The following ZFHX3 variants were observed in gnomAD, a reference collection of about 807,000 sequenced individuals.
The protein encoded by ZFHX3 is zinc finger homeobox protein 3.
ZFHX3 carries 42 observed loss-of-function variants against 279.1 expected under a neutral mutation model. The observed-to-expected ratio is 0.15, with a 90% CI of 0.12 to 0.19. The LOEUF (loss-of-function observed/expected upper bound fraction) is 0.19, where lower values mean the gene tolerates loss of function less well. ZFHX3 is among the 10% of genes least tolerant of loss of function. The probability of loss-of-function intolerance (pLI) is 1.00; values close to 1 mark genes in which losing one functional copy is unlikely to be tolerated. For synonymous variants in ZFHX3, 2,293 were observed against 1,957.8 expected, an observed-to-expected ratio of 1.17 and a Z score of -4.52; for missense variants, 4,981 against 4,754.0, an observed-to-expected ratio of 1.05 and a Z score of -1.40.
chr16:73,105,396 T>A (rs59394026), intron 7 of ZFHX3, among the ~76,000 whole-genome samples: 1 of 33,082 alleles, frequency 3.0e-5, no homozygotes, highest in East Asian at 8.3e-4. Context: ...CACACACACA[T>A]ATATATATAT....
At chr16:73,072,745 T>A (rs1205656043) in intron 8 of ZFHX3, among the ~76,000 whole-genome samples, 1 of 152,176 alleles carries the variant, frequency 6.6e-6, no homozygotes, top group Non-Finnish European at 1.5e-5. Flanking sequence ...GTTTTACAAA[T>A]TTTTTGTAGA....
Position 72,950,760 on chromosome 16 carries a change from C to T in ZFHX3, c.2925G>A (p.Glu975=), listed in dbSNP as rs756239997. The T allele has an allele frequency of 6.2e-7, 1 of 1,614,238 alleles. No homozygotes were observed. Among genetic ancestry groups the T allele is most frequent in the Non-Finnish European group, 8.5e-7 (1 of 1,180,050 alleles). The part of the protein sequence containing the change: ...MNVERSLSED[E]WKAVMGDSYQ... Reference sequence around the variant, plus strand: ...ATGAGTCCCCCATCACCGCCTTCCACTCGTCCTCCGACAGGCTGCGCTCCA... The same window carrying T: ...ATGAGTCCCCCATCACCGCCTTCCATTCGTCCTCCGACAGGCTGCGCTCCA... Residue 975 remains glutamate (E), a synonymous_variant, in exon 3 of 10, where the codon GAG becomes GAA. Coordinates refer to ENST00000268489, the MANE Select transcript of ZFHX3 (RefSeq NM_006885.4).
intron 2 of ZFHX3, among the ~76,000 whole-genome samples, chr16:73,492,371 G>A (rs1232641128): frequency 6.6e-6 from 1 of 152,094 alleles, no homozygotes; most frequent in Non-Finnish European, 1.5e-5. Flanking sequence ...CTCTTGTATG[G>A]CTGTGTTGAC....
Position 72,794,691 on chromosome 16 carries a change from G to C in ZFHX3, c.7991C>G (p.Ser2664Cys). ...EILYQKYLLDSNPTRKMLDHI... is the reference protein window; with the variant it reads ...EILYQKYLLDCNPTRKMLDHI... Reference sequence around the variant, plus strand: ...ATCCAACATCTTTCGAGTCGGATTGGAATCCAGTAGATACTTCTGGTAGAG... The same window carrying C: ...ATCCAACATCTTTCGAGTCGGATTGCAATCCAGTAGATACTTCTGGTAGAG... Residue 2664 changes from serine (S) to cysteine (C), a missense_variant, in exon 9 of 10, where the codon TCC (serine) becomes TGC (cysteine). Coordinates refer to ENST00000268489, the MANE Select transcript of ZFHX3 (RefSeq NM_006885.4). This position sits in a 1 kb window ranked among gnomAD's most constrained non-coding sequence, Gnocchi z 4.2. 6.2e-7 allele frequency: 1 copy of C among 1,614,250 alleles called. No homozygotes were observed. The highest frequency in any genetic ancestry group is 8.5e-7 in the Non-Finnish European group (1 of 1,180,046).
At chr16:72,969,624 C>T (rs1962009673) in intron 1 of ZFHX3, among the ~76,000 whole-genome samples, 3 of 152,056 alleles carry the variant, frequency 2.0e-5, no homozygotes, top group Admixed American at 6.6e-5. Flanking sequence ...TCACTAACCC[C>T]ACCTCCTTAA....
chr16:73,735,909 T>G (rs640484), intron 1 of ZFHX3, among the ~76,000 whole-genome samples: 126,915 of 148,194 alleles, frequency 0.86, 55,618 homozygotes, highest in Non-Finnish European at 0.95. Flanking sequence ...TTTTTTTTTT[T>G]TTTTTTTAAT....
chr16:73,146,583 T>C (rs549016391), intron 5 of ZFHX3, among the ~76,000 whole-genome samples: 181 of 152,326 alleles, frequency 1.2e-3, no homozygotes, highest in African/African-American at 4.1e-3. Flanking sequence ...ATTCTCCTCT[T>C]GAGTTATGCC....
Position 73,541,693 on chromosome 16 carries a change from C to T in ZFHX3, c.-1546-85435G>A, listed in dbSNP as rs548772426. Among the ~76,000 whole-genome samples the T allele has an allele frequency of 4.0e-5, 6 of 149,992 alleles. No homozygotes were observed. In the East Asian group the frequency reaches 1.0e-3, roughly 25 times the overall value. Reference sequence around the variant, plus strand: ...ATGGGACGCTTGGATGAGAGAGAGGCGGCTCGCGAGGCAAATACGGGAGTG... The same window carrying T: ...ATGGGACGCTTGGATGAGAGAGAGGTGGCTCGCGAGGCAAATACGGGAGTG... On this transcript the variant is annotated intron_variant, in intron 2 of 17. Transcript: ENST00000641206.
chr16:73,116,662 G>T (rs1365192308), intron 7 of ZFHX3, among the ~76,000 whole-genome samples: 2 of 152,164 alleles, frequency 1.3e-5, no homozygotes, highest in African/African-American at 4.8e-5. Flanking sequence ...ACTTTGGGAG[G>T]CAGGCTGAAG....
chr16:73,839,925 T>C (rs1336281182), intron 1 of ZFHX3, among the ~76,000 whole-genome samples: 1 of 152,192 alleles, frequency 6.6e-6, no homozygotes, highest in Non-Finnish European at 1.5e-5. Flanking sequence ...GCTAGTAACA[T>C]TTCCCCTGTG....
intron 1 of ZFHX3, among the ~76,000 whole-genome samples, chr16:73,813,267 T>C (rs1212408295): frequency 2.0e-5 from 3 of 151,728 alleles, no homozygotes; most frequent in African/African-American, 4.8e-5. Flanking sequence ...GTTAAGTTAA[T>C]GTTTGGACAA....
intron 8 of ZFHX3, 51 bp from the exon 9 acceptor site, chr16:72,798,765 T>C: frequency 6.6e-7 from 1 of 1,505,488 alleles, no homozygotes; most frequent in South Asian, 1.4e-5. Flanking sequence ...AGGCTTTGTT[T>C]CAAGGATGGC....
In ZFHX3 at chr16:73,628,219, T is replaced by G. The variant is rs180908069; in HGVS notation, c.-1547+51961A>C. Among the ~76,000 whole-genome samples, 162 of 152,274 alleles carry G rather than the reference T, an allele frequency of 1.1e-3. 1 individual carries two copies. Among genetic ancestry groups the G allele is most frequent in the African/African-American group, 3.6e-3 (149 of 41,566 alleles). On this transcript the variant is annotated intron_variant, in intron 2 of 17. Coordinates refer to the ZFHX3 transcript ENST00000641206. ...CATTAATAACCACATCATTGAGAGG[T>G]ACTGTAATCTTTTAAAAATTACTAG...
intron 2 of ZFHX3, among the ~76,000 whole-genome samples, chr16:73,557,122 G>C (rs1342323880): frequency 3.0e-4 from 36 of 119,134 alleles, no homozygotes; most frequent in African/African-American, 1.2e-3. Context: ...AAAAAAAAAG[G>C]CCTCAGTGAG....
At chr16:72,864,261 G>A (rs1410133902) in intron 4 of ZFHX3, among the ~76,000 whole-genome samples, 1 of 151,824 alleles carries the variant, frequency 6.6e-6, no homozygotes, top group Non-Finnish European at 1.5e-5. Context: ...AACCCTTCTT[G>A]ATGTAAGCTG....
intron 1 of ZFHX3, among the ~76,000 whole-genome samples, chr16:73,771,693 T>C (rs1199476260): frequency 6.6e-6 from 1 of 152,130 alleles, no homozygotes; most frequent in East Asian, 1.9e-4. Context: ...CTGAATGTAG[T>C]GACAGGACTT....
At chr16:73,280,236 CA>C (rs1246619646) in intron 4 of ZFHX3, among the ~76,000 whole-genome samples, 1 of 151,966 alleles carries the variant, frequency 6.6e-6, no homozygotes, top group East Asian at 1.9e-4. Flanking sequence ...GCAACAAAAG[CA>C]AAAATAAACA....
In ZFHX3 at chr16:72,787,039, CTT is replaced by C. The variant is rs76239888; in HGVS notation, c.*123_*124del. The C allele has an allele frequency of 0.034, 22,391 of 657,922 alleles. No homozygotes were observed. Among genetic ancestry groups the C allele is most frequent in the Middle Eastern group, 0.046 (79 of 1,720 alleles). The allele number at this position is 657,922 out of a possible 1,614,324, so 40.8% of individuals were successfully genotyped here. A position where few individuals can be genotyped will look rare whatever the true frequency, so the allele number is the denominator to read the frequency against. On this transcript the variant is annotated 3_prime_UTR_variant, in exon 10 of 10. Transcript: ENST00000268489. ...ACAACCCACGCTTTTTCTTTTTTTTCTTTTTTTTTTTTTTTTTGTTTTTTGGT... is the reference window on the plus strand; with the variant it reads ...ACAACCCACGCTTTTTCTTTTTTTTCTTTTTTTTTTTTTTTGTTTTTTGGT...
At chr16:73,265,071 A>G (rs1488509957) in intron 4 of ZFHX3, among the ~76,000 whole-genome samples, 1 of 111,590 alleles carries the variant, frequency 9.0e-6, no homozygotes, top group African/African-American at 3.0e-5. Flanking sequence ...ACCTCAGCGC[A>G]TATATGCGTG....
Sources: gnomAD v4.1 joint callset for allele counts (sites outside exome capture counted in the v4.1 genomes callset) on GRCh38, gnomAD v4.1.1 for gene constraint, Gnocchi (gnomAD v3.1) non-coding constraint, MANE v1.5 for transcripts, NCBI Gene and HGNC (gene_info 2026-07-23, HGNC 2026-07-21) for gene names.